The following CACNA1C variants were observed in gnomAD, a reference collection of about 807,000 sequenced individuals.
The protein encoded by CACNA1C is calcium voltage-gated channel subunit alpha1 C, also known as voltage-dependent L-type calcium channel subunit alpha-1C.
Under a neutral mutation model 229.0 loss-of-function variants are expected in CACNA1C, and 30 were observed. That is an observed-to-expected ratio of 0.13 (90% CI 0.10 to 0.18). The LOEUF (loss-of-function observed/expected upper bound fraction) is 0.18, where lower values mean the gene tolerates loss of function less well. Ranked by LOEUF, CACNA1C falls within the 10% of genes least tolerant of loss-of-function variation. CACNA1C has a pLI of 1.00. For synonymous variants in CACNA1C, 1,114 were observed against 1,132.5 expected, an observed-to-expected ratio of 0.98 and a Z score of 0.33; for missense variants, 1,658 against 2,845.0, an observed-to-expected ratio of 0.58 and a Z score of 9.49.
At chr12:2,462,563 C>T (rs1425292155) in intron 5 of CACNA1C, among the ~76,000 whole-genome samples, 2 of 152,188 alleles carry the variant, frequency 1.3e-5, no homozygotes, top group South Asian at 2.1e-4. Context: ...CAGCTGTGTC[C>T]TCAGCACCGA....
intron 18 of CACNA1C, among the ~76,000 whole-genome samples, chr12:2,587,582 T>C (rs896665602): frequency 7.2e-5 from 11 of 151,970 alleles, no homozygotes; most frequent in Non-Finnish European, 1.6e-4. Context: ...TCTAATGAAA[T>C]CAAAGAGAAG....
In CACNA1C at chr12:2,149,209, G is replaced by A. The variant is rs532977524; in HGVS notation, c.477+28779G>A. On this transcript the variant is annotated intron_variant, in intron 3 of 46. Coordinates refer to ENST00000399655, the MANE Select transcript of CACNA1C (RefSeq NM_000719.7). Reference sequence around the variant, plus strand: ...AAGGGCAGCTATGACCTATCTTGGGGTTTTGCATTTTGTTCTTGTGACCCT... The same window carrying A: ...AAGGGCAGCTATGACCTATCTTGGGATTTTGCATTTTGTTCTTGTGACCCT... Among the ~76,000 whole-genome samples the A allele has an allele frequency of 2.0e-5, 3 of 152,226 alleles. No homozygotes were observed. In the South Asian group the frequency reaches 6.2e-4, roughly 32 times the overall value.
chr12:2,156,957 T>C (rs539808042), intron 3 of CACNA1C, among the ~76,000 whole-genome samples: 1 of 152,344 alleles, frequency 6.6e-6, no homozygotes, highest in African/African-American at 2.4e-5. Flanking sequence ...ACTTTGCATG[T>C]ACTGTATGAG....
rs1359470884 is a variant in CACNA1C, at chr12:2,135,291, CCTT to C, written c.477+14867_477+14869del. 7.5e-5 allele frequency among the ~76,000 whole-genome samples: 11 copies of C among 145,984 alleles called. 1 individual carries two copies. Among genetic ancestry groups the C allele is most frequent in the Admixed American group, 3.4e-4 (5 of 14,546 alleles). On this transcript the variant is annotated intron_variant, in intron 3 of 46. Coordinates refer to ENST00000399655, the MANE Select transcript of CACNA1C (RefSeq NM_000719.7). ...CTCAGAGTAATTTGATTGTCTGAAG[CCTT>C]CTTCTCTCAGCTCGTCAAAGTCATT... is the stretch of plus-strand genomic sequence containing the variant.
chr12:2,278,673 A>C lies in CACNA1C; in HGVS notation c.477+158243A>C, dbSNP rs563141035. The stretch of plus-strand genomic sequence containing the variant: ...GCTGTTTCCAGTTTTGAGCTATTTA[A>C]ATAAAGCAGCTATGAACATTTGTGT... On this transcript the variant is annotated intron_variant, in intron 3 of 46. Coordinates refer to ENST00000399655, the MANE Select transcript of CACNA1C (RefSeq NM_000719.7). Among the ~76,000 whole-genome samples the C allele has an allele frequency of 1.1e-4, 17 of 152,364 alleles. No individual in the cohort carries two copies. The South Asian group carries it at 2.9e-3, about 26-fold the overall frequency.
chr12:2,503,917 C>T (rs1017895595), intron 7 of CACNA1C, among the ~76,000 whole-genome samples: 2 of 152,214 alleles, frequency 1.3e-5, no homozygotes, highest in Non-Finnish European at 2.9e-5. Context: ...CTCTAACTTC[C>T]GGGCTTGGCC....
chr12:2,306,824 G>C (rs1237569193), intron 3 of CACNA1C, among the ~76,000 whole-genome samples: 1 of 152,232 alleles, frequency 6.6e-6, no homozygotes. Context: ...TCCGCAGTTT[G>C]GTAGAAGCTG....
At chr12:2,675,907 GC>G (rs1241901796) in intron 39 of CACNA1C, 1 of 152,154 alleles carries the variant, frequency 6.6e-6, no homozygotes, top group African/African-American at 2.4e-5. Context: ...CATTTACTGT[GC>G]CCTCCTTAAG....
At chr12:2,154,244 C>G (rs2095437676) in intron 3 of CACNA1C, among the ~76,000 whole-genome samples, 1 of 152,218 alleles carries the variant, frequency 6.6e-6, no homozygotes, top group South Asian at 2.1e-4. Flanking sequence ...ATCCTACATC[C>G]CACTCCAGCT....
chr12:2,584,930 A>C (rs1004385063), intron 16 of CACNA1C, among the ~76,000 whole-genome samples: 1 of 152,100 alleles, frequency 6.6e-6, no homozygotes, highest in Non-Finnish European at 1.5e-5. Flanking sequence ...CTCAGTTGGG[A>C]AACGCAGCTC....
intron 1 of CACNA1C, among the ~76,000 whole-genome samples, chr12:2,018,747 C>T (rs1388968153): frequency 6.6e-6 from 1 of 152,178 alleles, no homozygotes; most frequent in Non-Finnish European, 1.5e-5. Context: ...GGTAGCTTGA[C>T]TTAATATATA....
chr12:2,324,738 T>C (rs1302803546), intron 3 of CACNA1C, among the ~76,000 whole-genome samples: 1 of 151,836 alleles, frequency 6.6e-6, no homozygotes. Context: ...ATCACTTCCT[T>C]GGCGGGCTTG....
At chr12:2,340,238 C>A (rs11062195) in intron 3 of CACNA1C, among the ~76,000 whole-genome samples, 1 of 152,044 alleles carries the variant, frequency 6.6e-6, no homozygotes, top group Admixed American at 6.5e-5. Context: ...TATATATACC[C>A]CTTTTTGCAG....
intron 3 of CACNA1C, among the ~76,000 whole-genome samples, chr12:2,226,125 G>GCACA (rs59055471): frequency 9.1e-4 from 130 of 142,874 alleles, no homozygotes; most frequent in Admixed American, 1.2e-3. Flanking sequence ...ATGGGGACGC[G>GCACA]CACACACACA....
chr12:2,156,439 A>G (rs996432214), intron 3 of CACNA1C, among the ~76,000 whole-genome samples: 1 of 152,246 alleles, frequency 6.6e-6, no homozygotes, highest in Non-Finnish European at 1.5e-5. Context: ...TAAACCACAA[A>G]GACAAAATGA....
At chr12:2,636,404 A>T (rs1235118035) in intron 30 of CACNA1C, among the ~76,000 whole-genome samples, 1 of 152,206 alleles carries the variant, frequency 6.6e-6, no homozygotes, top group Non-Finnish European at 1.5e-5. Flanking sequence ...TTTCTAGGAT[A>T]TAAAATTTAT....
At chr12:2,109,658 T>G (rs2080841237) in intron 1 of CACNA1C, among the ~76,000 whole-genome samples, 1 of 152,104 alleles carries the variant, frequency 6.6e-6, no homozygotes, top group Admixed American at 6.5e-5. Context: ...ACGAGTTCTG[T>G]TTTTAAAAGG....
chr12:2,211,893 G>A (rs1375123643), intron 3 of CACNA1C, among the ~76,000 whole-genome samples: 4 of 151,638 alleles, frequency 2.6e-5, no homozygotes, highest in African/African-American at 9.7e-5. Flanking sequence ...TAATTTTTTT[G>A]TATTTTTAGT....
At chr12:2,264,222 C>G (rs1448259814) in intron 3 of CACNA1C, among the ~76,000 whole-genome samples, 1 of 152,204 alleles carries the variant, frequency 6.6e-6, no homozygotes, top group Non-Finnish European at 1.5e-5. Context: ...CCTCCTAAGC[C>G]TGGGGATGCC....
Sources: gnomAD v4.1 joint callset for allele counts (sites outside exome capture counted in the v4.1 genomes callset) on GRCh38, gnomAD v4.1.1 for gene constraint, MANE v1.5 for transcripts, NCBI Gene and HGNC (gene_info 2026-07-23, HGNC 2026-07-21) for gene names.